ABCA13: variants seen among roughly 807,000 people sequenced by gnomAD.
The protein encoded by ABCA13 is ATP-binding cassette sub-family A member 13.
ABCA13 carries 476 observed loss-of-function variants against 478.7 expected under a neutral mutation model. The observed-to-expected ratio is 0.99, with a 90% confidence interval of 0.92 to 1.07. ABCA13 has a LOEUF of 1.07. Among genes scored for constraint, ABCA13 ranks in the 50% least tolerant of loss-of-function variants. The probability of loss-of-function intolerance (pLI) is 0.00; values close to 1 mark genes in which losing one functional copy is unlikely to be tolerated. For synonymous variants in ABCA13, 2,252 were observed against 2,158.9 expected, an observed-to-expected ratio of 1.04 and a Z score of -1.20; for missense variants, 6,060 against 5,910.6, an observed-to-expected ratio of 1.03 and a Z score of -0.83.
intron 41 of ABCA13, among the ~76,000 whole-genome samples, chr7:48,421,510 G>A (rs1181900461): frequency 6.6e-6 from 1 of 152,196 alleles, no homozygotes; most frequent in African/African-American, 2.4e-5. Context: ...ACCAAGTTGA[G>A]CCAGTGGGAG....
chr7:48,273,703 G>A lies in ABCA13; in HGVS notation c.4037G>A (p.Cys1346Tyr), dbSNP rs761782150. 1.2e-6 allele frequency: 2 copies of A among 1,608,358 alleles called. No homozygotes were observed. The highest frequency in any genetic ancestry group is 4.5e-5 in the East Asian group (2 of 44,736). The change falls in exon 17 of 62, where the codon TGT becomes TAT. Residue 1346 changes from cysteine to tyrosine, a missense_variant. Coordinates refer to ENST00000435803, the MANE Select transcript of ABCA13 (RefSeq NM_152701.5). The stretch of plus-strand genomic sequence containing the variant: ...TCACATGATCGAGATTTGTTTTCCT[G>A]TGCTGATATTTTCCAAAATGTTACT... ...NVSHDRDLFS[C>Y]ADIFQNVTEC... is the part of the protein sequence containing the mutation.
chr7:48,368,915 T>C (rs1169000576), intron 32 of ABCA13, among the ~76,000 whole-genome samples: 2 of 151,528 alleles, frequency 1.3e-5, no homozygotes, highest in Non-Finnish European at 3.0e-5. Context: ...ATGTAATGAC[T>C]TCAGGAGTGG....
At chr7:48,235,986 G>A (rs1789893728) in intron 8 of ABCA13, among the ~76,000 whole-genome samples, 1 of 152,168 alleles carries the variant, frequency 6.6e-6, no homozygotes, top group Admixed American at 6.5e-5. Flanking sequence ...GTTAAGTTTG[G>A]TTATGTTTTG....
Position 48,274,770 on chromosome 7 carries a change from G to A in ABCA13, c.5104G>A (p.Gly1702Ser), listed in dbSNP as rs1473628261. Reference sequence around the variant, plus strand: ...TAAGAATATCAGTAGTGTGGGAACTGGCAATTTAGTGGTCAATTTGCTTGT... The same window carrying A: ...TAAGAATATCAGTAGTGTGGGAACTAGCAATTTAGTGGTCAATTTGCTTGT... ...FFKNISSVGT[G>S]NLVVNLLVGL... is the part of the protein sequence containing the mutation. Residue 1702 changes from glycine (G) to serine (S), a missense_variant, in exon 17 of 62, where the codon GGC becomes AGC. Around this residue, in one of 3 missense-constraint regions of ABCA13, gnomAD observed 4,423 missense variants for 4,309.1 expected, o/e 1.03. Coordinates refer to ENST00000435803, the MANE Select transcript of ABCA13 (RefSeq NM_152701.5). 1 of 1,613,942 alleles carries A rather than the reference G, an allele frequency of 6.2e-7. No individual in the cohort carries two copies.
intron 42 of ABCA13, among the ~76,000 whole-genome samples, chr7:48,450,777 A>G (rs1339677004): frequency 6.6e-6 from 1 of 151,866 alleles, no homozygotes; most frequent in Non-Finnish European, 1.5e-5. Context: ...TTTCATGTTC[A>G]TTTTTCAAAA....
In ABCA13 at chr7:48,293,192, G is replaced by GCCCCCCCC. The variant is rs367570188; in HGVS notation, c.8956-2505_8956-2498dup. Among the ~76,000 whole-genome samples, 86 of 108,300 alleles carry GCCCCCCCC rather than the reference G, an allele frequency of 7.9e-4. 5 individuals are homozygous for GCCCCCCCC. Among genetic ancestry groups the GCCCCCCCC allele is most frequent in the South Asian group, 2.1e-3 (5 of 2,342 alleles). The allele number at this position is 108,300 out of a possible 152,430, so 71.0% of individuals were successfully genotyped here. On this transcript the variant is annotated intron_variant, in intron 20 of 61. Transcript: ENST00000435803. ...TTCATCATTTCCTGAGAAGTCTTCA[G>GCCCCCCCC]CCCCCCCCCCGCCACACACACACTA... is the stretch of plus-strand genomic sequence containing the variant.
At chr7:48,343,065 C>CT (rs1807489793) in intron 29 of ABCA13, among the ~76,000 whole-genome samples, 1 of 149,510 alleles carries the variant, frequency 6.7e-6, no homozygotes, top group Non-Finnish European at 1.5e-5. Flanking sequence ...TAATACTTGT[C>CT]TTTTGTGGGT....
intron 55 of ABCA13, among the ~76,000 whole-genome samples, chr7:48,532,853 C>CT (rs1833331192): frequency 6.6e-6 from 1 of 151,868 alleles, no homozygotes; most frequent in Non-Finnish European, 1.5e-5. Context: ...AATAATATCT[C>CT]TTTTTTCATT....
intron 42 of ABCA13, among the ~76,000 whole-genome samples, chr7:48,433,346 C>T (rs1002679157): frequency 6.6e-6 from 1 of 151,154 alleles, no homozygotes; most frequent in Non-Finnish European, 1.5e-5. Flanking sequence ...AAAATAAGTA[C>T]AGTACTCAAA....
chr7:48,365,908 A>G (rs1479620610), intron 31 of ABCA13, among the ~76,000 whole-genome samples: 3 of 152,196 alleles, frequency 2.0e-5, no homozygotes, highest in Non-Finnish European at 2.9e-5. Flanking sequence ...AAAATTGTTA[A>G]AATGTCTACA....
chr7:48,388,016 T>G (rs1815455402), intron 36 of ABCA13, 57 bp downstream of exon 36: 2 of 1,561,092 alleles, frequency 1.3e-6, no homozygotes, highest in Non-Finnish European at 1.7e-6. Flanking sequence ...CCATTTTGAT[T>G]TTTTTTTGTT....
chr7:48,389,245 A>G (rs752813791), intron 37 of ABCA13, 25 bp downstream of exon 37: 1 of 1,584,512 alleles, frequency 6.3e-7, no homozygotes, highest in Admixed American at 1.8e-5. Context: ...ACCCTTATCA[A>G]ACACTGGGCA....
Position 48,427,748 on chromosome 7 carries a change from T to G in ABCA13, c.12460-18T>G, listed in dbSNP as rs753909094. 5.9e-6 allele frequency: 9 copies of G among 1,517,912 alleles called. No homozygotes were observed. Among genetic ancestry groups the G allele is most frequent in the African/African-American group, 4.2e-5 (3 of 72,234 alleles). 94.0% of individuals were successfully genotyped at this position (1,517,912 alleles called of 1,614,324 possible). ...TAGAAACATAAAATAATACATGGCG[T>G]TTTTTTTTCTCCGAAAGGTGTTTTT... On this transcript the variant is annotated intron_variant, in intron 41 of 61. Transcript: ENST00000435803.
intron 3 of ABCA13, among the ~76,000 whole-genome samples, chr7:48,200,907 C>A (rs940672518): frequency 6.6e-6 from 1 of 152,204 alleles, no homozygotes; most frequent in Non-Finnish European, 1.5e-5. Context: ...GCCTGTAATC[C>A]CAGCGCTTTG....
intron 1 of ABCA13, among the ~76,000 whole-genome samples, chr7:48,183,795 C>T (rs183572187): frequency 6.6e-6 from 1 of 152,198 alleles, no homozygotes; most frequent in Non-Finnish European, 1.5e-5. Flanking sequence ...GTTTATTGAT[C>T]TATTCTCCCA....
Position 48,320,987 on chromosome 7 carries a change from A to G in ABCA13, c.9999+3691A>G, listed in dbSNP as rs144217731. On this transcript the variant is annotated intron_variant, in intron 27 of 61. Coordinates refer to ENST00000435803, the MANE Select transcript of ABCA13 (RefSeq NM_152701.5). ...GTAAACCAATGGGATCTCCTCCCCT[A>G]CAAGTGTTATTCCCAGAAATGCATT... 8.3e-4 allele frequency among the ~76,000 whole-genome samples: 126 copies of G among 152,320 alleles called. 2 individuals are homozygous for G. Among genetic ancestry groups the G allele is most frequent in the African/African-American group, 2.9e-3 (122 of 41,584 alleles).
chr7:48,580,412 T>C (rs1462156118), intron 56 of ABCA13, 38 bp downstream of exon 56: 27 of 1,589,676 alleles, frequency 1.7e-5, no homozygotes, highest in Non-Finnish European at 2.1e-5. Context: ...AAGGGACCCA[T>C]TGAGGAATGC....
chr7:48,209,934 CTT>C (rs764029509), intron 3 of ABCA13, among the ~76,000 whole-genome samples: 2 of 151,964 alleles, frequency 1.3e-5, no homozygotes, highest in Non-Finnish European at 2.9e-5. Context: ...ATTAAAAAAA[CTT>C]TTTGTTTCAT....
At chr7:48,197,294 C>A (rs535563844) in intron 2 of ABCA13, among the ~76,000 whole-genome samples, 1 of 152,148 alleles carries the variant, frequency 6.6e-6, no homozygotes, top group Non-Finnish European at 1.5e-5. Flanking sequence ...GGTCACAGAC[C>A]CTGGGGAGAC....
Sources: allele counts gnomAD v4.1 joint callset (sites outside exome capture counted in the v4.1 genomes callset), GRCh38; gene constraint gnomAD v4.1.1; regional missense constraint gnomAD v4.1.1; transcripts MANE v1.5; gene names NCBI Gene and HGNC (gene_info 2026-07-23, HGNC 2026-07-21).